Variants in PELI2 observed in about 807,000 individuals in gnomAD.
The protein encoded by PELI2 is E3 ubiquitin-protein ligase pellino homolog 2.
PELI2 carries 23 observed loss-of-function variants against 42.3 expected under a neutral mutation model. The observed-to-expected ratio is 0.54, with a 90% confidence interval of 0.39 to 0.77. The LOEUF (loss-of-function observed/expected upper bound fraction) is 0.77. Ranked by LOEUF, PELI2 falls within the 30% of genes least tolerant of loss-of-function variation. The pLI, the probability that PELI2 is intolerant of heterozygous loss-of-function variation, is 0.00. For missense variants in PELI2, 463 were observed against 553.2 expected, an observed-to-expected ratio of 0.84 and a Z score of 1.64; for synonymous variants, 245 against 212.2, an observed-to-expected ratio of 1.15 and a Z score of -1.34.
At chr14:56,133,828 T>C (rs1183819952) in intron 1 of PELI2, among the ~76,000 whole-genome samples, 1 of 152,144 alleles carries the variant, frequency 6.6e-6, no homozygotes, top group African/African-American at 2.4e-5. Context: ...CAGGGCAGGA[T>C]CTGGGGCTCA....
chr14:56,130,632 T>A (rs1186291937), intron 1 of PELI2, among the ~76,000 whole-genome samples: 2 of 152,116 alleles, frequency 1.3e-5, no homozygotes, highest in Non-Finnish European at 2.9e-5. Flanking sequence ...GTGCTCCTAG[T>A]ATGTTTTCAG....
chr14:56,293,940 G>T (rs1227763870), intron 5 of PELI2, among the ~76,000 whole-genome samples: 1 of 152,168 alleles, frequency 6.6e-6, no homozygotes, highest in African/African-American at 2.4e-5. Flanking sequence ...TTTAGACACA[G>T]TTTTATCCTG....
At chr14:56,122,440 A>G (rs1883095481) in intron 1 of PELI2, among the ~76,000 whole-genome samples, 1 of 152,122 alleles carries the variant, frequency 6.6e-6, no homozygotes, top group Admixed American at 6.5e-5. Flanking sequence ...GACAGATTCC[A>G]GCAGCGCTGT....
At chr14:56,230,097 A>G (rs1415895904) in intron 2 of PELI2, among the ~76,000 whole-genome samples, 1 of 152,226 alleles carries the variant, frequency 6.6e-6, no homozygotes, top group East Asian at 1.9e-4. Context: ...ATACAAGACT[A>G]TGTGAAAAGA....
At chr14:56,252,917 C>T (rs1213235947) in intron 2 of PELI2, among the ~76,000 whole-genome samples, 1 of 152,176 alleles carries the variant, frequency 6.6e-6, no homozygotes, top group Non-Finnish European at 1.5e-5. Context: ...AGGAAAATTT[C>T]AGGCCAGTAT....
chr14:56,183,991 G>C (rs1885680753), intron 2 of PELI2, among the ~76,000 whole-genome samples: 1 of 152,040 alleles, frequency 6.6e-6, no homozygotes, highest in Non-Finnish European at 1.5e-5. Context: ...GCAATAGGAA[G>C]ATAAGCCAAG....
chr14:56,213,537 G>T (rs989778671), intron 2 of PELI2, among the ~76,000 whole-genome samples: 3 of 152,214 alleles, frequency 2.0e-5, no homozygotes, highest in African/African-American at 7.2e-5. Flanking sequence ...TAGAAAAAGA[G>T]CAAAGCCTGA....
intron 2 of PELI2, among the ~76,000 whole-genome samples, chr14:56,249,701 C>A (rs12147554): frequency 6.6e-5 from 10 of 152,180 alleles, no homozygotes; most frequent in Non-Finnish European, 1.3e-4. Context: ...GCATTTGGGG[C>A]AGCAAGTGGC....
intron 2 of PELI2, among the ~76,000 whole-genome samples, chr14:56,228,934 G>C (rs1209551992): frequency 6.6e-6 from 1 of 152,204 alleles, no homozygotes; most frequent in Non-Finnish European, 1.5e-5. Context: ...TTAGCAAACA[G>C]CACACCAGGA....
At position 56,300,273 on chromosome 14, in the gene PELI2, G is replaced by A. The variant is rs182432593; in HGVS notation, c.*3107G>A. On this transcript the variant is annotated 3_prime_UTR_variant, in exon 6 of 6. Coordinates refer to ENST00000267460, the MANE Select transcript of PELI2 (RefSeq NM_021255.3). Reference sequence around the variant, plus strand: ...GGAGAAAGCCATTGGAAAAATGATGGGCTCCATTAAGGAGACTAATGAATC... The same window carrying A: ...GGAGAAAGCCATTGGAAAAATGATGAGCTCCATTAAGGAGACTAATGAATC... The A allele has an allele frequency of 6.6e-6, 1 of 152,666 alleles. No individual in the cohort carries two copies. Among genetic ancestry groups the A allele is most frequent in the African/African-American group, 2.4e-5 (1 of 41,532 alleles). 9.5% of individuals were successfully genotyped at this position (152,666 alleles called of 1,614,324 possible). A position where few individuals can be genotyped will look rare whatever the true frequency, so the allele number is the denominator to read the frequency against.
At chr14:56,241,151 A>G (rs1463210325) in intron 2 of PELI2, among the ~76,000 whole-genome samples, 3 of 152,144 alleles carry the variant, frequency 2.0e-5, no homozygotes, top group Admixed American at 6.5e-5. Flanking sequence ...GACCTTACAG[A>G]TAGCAAAGGG....
At position 56,161,719 on chromosome 14, in the gene PELI2, A is replaced by AATAC. The variant is rs958414343; in HGVS notation, c.78-16612_78-16609dup. On this transcript the variant is annotated intron_variant, in intron 1 of 5. Coordinates refer to ENST00000267460, the MANE Select transcript of PELI2 (RefSeq NM_021255.3). ...CACATTATTTGATGCATTTTGAATGAATACATATATATATATTTTTTTTCA... is the reference window on the plus strand; with the variant it reads ...CACATTATTTGATGCATTTTGAATGAATACATACATATATATATATTTTTTTTCA... Among the ~76,000 whole-genome samples, 12 of 152,230 alleles carry AATAC rather than the reference A, an allele frequency of 7.9e-5. No homozygotes were observed. In the East Asian group the frequency reaches 2.3e-3, roughly 29 times the overall value.
chr14:56,207,015 A>C (rs1447819335), intron 2 of PELI2, among the ~76,000 whole-genome samples: 1 of 152,250 alleles, frequency 6.6e-6, no homozygotes, highest in Non-Finnish European at 1.5e-5. Flanking sequence ...TGGGTATTCA[A>C]TTGTAATTCT....
chr14:56,164,791 C>T (rs963073857), intron 1 of PELI2, among the ~76,000 whole-genome samples: 1 of 152,036 alleles, frequency 6.6e-6, no homozygotes, highest in Middle Eastern at 3.4e-3. Context: ...GGAATTTTTC[C>T]ATTTCTTCTA....
chr14:56,246,508 C>T (rs564409947), intron 2 of PELI2, among the ~76,000 whole-genome samples: 1 of 152,324 alleles, frequency 6.6e-6, no homozygotes, highest in South Asian at 2.1e-4. Flanking sequence ...TTTCTGGCCT[C>T]TCCGAGCCTC....
Position 56,300,768 on chromosome 14 carries a change from A to G in PELI2, c.*3602A>G, listed in dbSNP as rs1256132193. On this transcript the variant is annotated 3_prime_UTR_variant, in exon 6 of 6. Coordinates refer to ENST00000267460, the MANE Select transcript of PELI2 (RefSeq NM_021255.3). ...AAGCCAAATCCATCTCCATCCCTTT[A>G]CTGTCAATCTTCTGTCCCAGTAGTT... is the stretch of plus-strand genomic sequence containing the variant. 1 of 152,212 alleles carries G rather than the reference A, an allele frequency of 6.6e-6. No individual in the cohort carries two copies. Among genetic ancestry groups the G allele is most frequent in the African/African-American group, 2.4e-5 (1 of 41,458 alleles). 9.4% of individuals were successfully genotyped at this position (152,212 alleles called of 1,614,324 possible).
At position 56,268,540 on chromosome 14, in the gene PELI2, A is replaced by G. The variant is rs147104623; in HGVS notation, c.208-11136A>G. 8.0e-4 allele frequency among the ~76,000 whole-genome samples: 122 copies of G among 152,316 alleles called. No individual in the cohort carries two copies. The South Asian group carries it at 0.013, about 16-fold the overall frequency. ...CTATCATTATTTTAATTTTTACTAT[A>G]GCACTTGGCATTTCACAAGAATGTT... On this transcript the variant is annotated intron_variant, in intron 2 of 5. Transcript: ENST00000267460.
At chr14:56,258,679 G>A (rs1478914180) in intron 2 of PELI2, among the ~76,000 whole-genome samples, 1 of 151,898 alleles carries the variant, frequency 6.6e-6, no homozygotes, top group Non-Finnish European at 1.5e-5. Context: ...TCCAATATGG[G>A]GCAAGAGATG....
intron 2 of PELI2, among the ~76,000 whole-genome samples, chr14:56,179,455 G>A (rs1252493229): frequency 6.6e-6 from 1 of 152,146 alleles, no homozygotes; most frequent in Non-Finnish European, 1.5e-5. Context: ...CTGAAGCAGT[G>A]CCATTGAAAG....
Sources: allele counts gnomAD v4.1 joint callset (sites outside exome capture counted in the v4.1 genomes callset), GRCh38; gene constraint gnomAD v4.1.1; transcripts MANE v1.5; gene names NCBI Gene and HGNC (gene_info 2026-07-23, HGNC 2026-07-21).